Variants in URI1 observed in about 807,000 individuals in gnomAD.
URI1 encodes the protein unconventional prefoldin RPB5 interactor 1.
URI1 carries 39 observed loss-of-function variants against 60.2 expected under a neutral mutation model. The ratio of observed to expected loss-of-function variants is 0.65; its 90% confidence interval spans 0.50 to 0.85. The LOEUF is 0.85. URI1 is among the 40% of genes least tolerant of loss of function. The pLI, the probability that URI1 is intolerant of heterozygous loss-of-function variation, is 0.00. For missense variants in URI1, 691 were observed against 665.9 expected (o/e 1.04, Z -0.42); for synonymous variants, 251 against 236.8 (o/e 1.06, Z -0.55).
At chr19:29,986,500 A>C (rs878901255) in intron 4 of URI1, 83 bp downstream of exon 4, 5 of 1,500,288 alleles carry the variant, frequency 3.3e-6, no homozygotes, top group African/African-American at 1.4e-5. Context: ...GTTTCTTACC[A>C]AAAGTACCTT....
chr19:29,927,855 G>C (rs1004160051), intron 1 of URI1, among the ~76,000 whole-genome samples: 1 of 151,962 alleles, frequency 6.6e-6, no homozygotes, highest in Non-Finnish European at 1.5e-5. Flanking sequence ...GGGATTAGGC[G>C]TGACCTACGG....
intron 2 of URI1, among the ~76,000 whole-genome samples, chr19:29,977,381 T>C (rs767714913): frequency 3.9e-5 from 6 of 152,010 alleles, no homozygotes; most frequent in Non-Finnish European, 8.8e-5. Flanking sequence ...ATGTATAATA[T>C]GTGAAATATT....
chr19:30,011,062 A>C (rs1406121238), intron 8 of URI1, 32 bp from the exon 9 acceptor site: 1 of 1,590,634 alleles, frequency 6.3e-7, no homozygotes, highest in African/African-American at 1.4e-5. Flanking sequence ...AATTTGTCAA[A>C]AGATTCTTAA....
intron 1 of URI1, among the ~76,000 whole-genome samples, chr19:29,943,799 G>A (rs2055062943): frequency 6.6e-6 from 1 of 151,854 alleles, no homozygotes; most frequent in Admixed American, 6.6e-5. Context: ...CTCTAATAAC[G>A]CAACTGTTAG....
intron 1 of URI1, chr19:29,956,270 C>G: frequency 1.4e-6 from 1 of 734,266 alleles, no homozygotes; most frequent in South Asian, 2.0e-5. Context: ...GCCACGGCGC[C>G]TGGCCCAGAG....
chr19:29,977,942 GAT>G lies in URI1; in HGVS notation c.152+6717_152+6718del, dbSNP rs369240446. 4.7e-4 allele frequency among the ~76,000 whole-genome samples: 71 copies of G among 152,228 alleles called. No homozygotes were observed. In the East Asian group the frequency reaches 0.013, roughly 27 times the overall value. Reference sequence around the variant, plus strand: ...AAAGTTGAAATAAGAAAGGAATAAAGATAAATTTACTCATAATTGTAAAGAGA... The same window carrying G: ...AAAGTTGAAATAAGAAAGGAATAAAGAAATTTACTCATAATTGTAAAGAGA... On this transcript the variant is annotated intron_variant, in intron 2 of 10. Transcript: ENST00000392271.
chr19:29,937,944 A>G (rs2054987639), upstream of URI1: 1 of 152,180 alleles, frequency 6.6e-6, no homozygotes, highest in South Asian at 2.1e-4. Flanking sequence ...CTGTTCTCTT[A>G]CCAACAACCA....
chr19:29,962,069 A>G (rs1203552314), intron 1 of URI1, among the ~76,000 whole-genome samples: 5 of 152,066 alleles, frequency 3.3e-5, no homozygotes, highest in Admixed American at 2.6e-4. Flanking sequence ...GAACTGCCAC[A>G]CTGCTTTCTC....
chr19:29,970,621 TG>T, intron 1 of URI1, among the ~76,000 whole-genome samples: 1 of 152,090 alleles, frequency 6.6e-6, no homozygotes. Flanking sequence ...CATAATTCAC[TG>T]GGGAACAAAT....
chr19:29,950,674 C>G lies in URI1; in HGVS notation c.117+8010C>G, dbSNP rs1041181267. 2.0e-5 allele frequency among the ~76,000 whole-genome samples: 3 copies of G among 152,148 alleles called. No homozygotes were observed. The East Asian group carries it at 5.8e-4, about 29-fold the overall frequency. ...ACATCAAGGTCATTCTTCTACATAA[C>G]CATATCTTTTTTTACACTCAAGAAA... is the stretch of plus-strand genomic sequence containing the variant. On this transcript the variant is annotated intron_variant, in intron 1 of 10. Coordinates refer to ENST00000392271, the MANE Select transcript of URI1 (RefSeq NM_003796.3).
exon 1 of URI1, chr19:29,923,725 G>A (rs1371640541): frequency 1.6e-5 from 25 of 1,536,666 alleles, no homozygotes; most frequent in East Asian, 2.4e-5. Flanking sequence ...AGGAAGCCAC[G>A]TTTCTAAGAG....
chr19:29,923,812 T>C, intron 1 of URI1: 2 of 1,491,622 alleles, frequency 1.3e-6, no homozygotes, highest in South Asian at 2.4e-5. Flanking sequence ...GGTTTGAGGA[T>C]TTTACTTTAA....
intron 6 of URI1, among the ~76,000 whole-genome samples, chr19:30,006,725 C>T (rs1246325576): frequency 6.6e-6 from 1 of 152,046 alleles, no homozygotes; most frequent in African/African-American, 2.4e-5. Flanking sequence ...CAGGACGCAT[C>T]TTAGACTTCT....
chr19:30,012,399 T>A lies in URI1; in HGVS notation c.1293T>A (p.Phe431Leu). The change falls in exon 10 of 11, where the codon TTT (phenylalanine) becomes TTA (leucine). Residue 431 changes from phenylalanine to leucine, a missense_variant. Coordinates refer to ENST00000392271, the MANE Select transcript of URI1 (RefSeq NM_003796.3). ...CTAGTGAAAGCAGTGCTGCTGAATTTGATGATAGGCGGGGAGTTTTGAGGA... is the reference window on the plus strand; with the variant it reads ...CTAGTGAAAGCAGTGCTGCTGAATTAGATGATAGGCGGGGAGTTTTGAGGA... Reference protein sequence around the residue: ...SDTSESSAAEFDDRRGVLRSI... With the variant: ...SDTSESSAAELDDRRGVLRSI... The A allele has an allele frequency of 6.2e-7, 1 of 1,614,176 alleles. No homozygotes were observed. The highest frequency in any genetic ancestry group is 8.5e-7 in the Non-Finnish European group (1 of 1,180,028).
chr19:29,947,259 G>T (rs2055114205), intron 1 of URI1, among the ~76,000 whole-genome samples: 1 of 152,324 alleles, frequency 6.6e-6, no homozygotes, highest in Middle Eastern at 3.4e-3. Context: ...CATATGTGAA[G>T]AAATGGACGG....
intron 1 of URI1, among the ~76,000 whole-genome samples, chr19:29,961,092 C>T (rs964958997): frequency 3.9e-5 from 6 of 151,928 alleles, no homozygotes; most frequent in African/African-American, 1.5e-4. Context: ...AACTCCTGGC[C>T]TCAAGCGGTC....
At chr19:29,974,619 T>G (rs1335258627) in intron 2 of URI1, among the ~76,000 whole-genome samples, 4 of 152,070 alleles carry the variant, frequency 2.6e-5, no homozygotes, top group Non-Finnish European at 5.9e-5. Flanking sequence ...ATTTGGGAGG[T>G]ACATGTAGAG....
At chr19:29,949,864 A>T (rs1342010974) in intron 1 of URI1, among the ~76,000 whole-genome samples, 1 of 151,520 alleles carries the variant, frequency 6.6e-6, no homozygotes, top group Non-Finnish European at 1.5e-5. Context: ...GCGGCAGTAC[A>T]GTCCAGCTTC....
At chr19:30,005,185 G>T (rs2055924979) in intron 4 of URI1, among the ~76,000 whole-genome samples, 176 bp from the exon 5 acceptor site, 1 of 151,872 alleles carries the variant, frequency 6.6e-6, no homozygotes, top group Admixed American at 6.6e-5. Context: ...TATATATATA[G>T]CACAAAAATA....
Sources: gnomAD v4.1 joint callset for allele counts (sites outside exome capture counted in the v4.1 genomes callset) on GRCh38, gnomAD v4.1.1 for gene constraint, MANE v1.5 for transcripts, NCBI Gene and HGNC (gene_info 2026-07-23, HGNC 2026-07-21) for gene names.